Variants in FSIP1 observed in about 807,000 individuals in gnomAD.
FSIP1 encodes fibrous sheath interacting protein 1.
In FSIP1, 65 loss-of-function variants were observed where a neutral mutation model predicts 60.9. The observed-to-expected ratio is 1.07, with a 90% CI of 0.87 to 1.31. The LOEUF (loss-of-function observed/expected upper bound fraction) is 1.31, where lower values mean the gene tolerates loss of function less well. Ranked by LOEUF, FSIP1 falls within the 40% of genes most tolerant of loss-of-function variation. The pLI, the probability that FSIP1 is intolerant of heterozygous loss-of-function variation, is 0.00. For synonymous variants in FSIP1, 209 were observed against 221.2 expected (o/e 0.94, Z 0.49); for missense variants, 675 against 665.5 (o/e 1.01, Z -0.16).
At chr15:39,712,802 G>A (rs1895576585) in intron 10 of FSIP1, among the ~76,000 whole-genome samples, 1 of 152,170 alleles carries the variant, frequency 6.6e-6, no homozygotes, top group African/African-American at 2.4e-5. Context: ...GGAATGACAT[G>A]TCTTTATGTT....
intron 8 of FSIP1, among the ~76,000 whole-genome samples, chr15:39,732,606 T>G: frequency 9.4e-6 from 1 of 106,924 alleles, no homozygotes; most frequent in African/African-American, 4.3e-5. Context: ...GTGACAAGAG[T>G]GAAACTCCAT....
At chr15:39,759,163 A>G (rs1350183147) in intron 5 of FSIP1, among the ~76,000 whole-genome samples, 1 of 152,082 alleles carries the variant, frequency 6.6e-6, no homozygotes, top group African/African-American at 2.4e-5. Flanking sequence ...AAAAGAAATG[A>G]CTAACTAGAG....
chr15:39,767,809 G>A (rs1184993900), intron 3 of FSIP1, among the ~76,000 whole-genome samples: 1 of 152,148 alleles, frequency 6.6e-6, no homozygotes, highest in African/African-American at 2.4e-5. Context: ...CCCCGTTCCA[G>A]CTCCCCATCC....
rs934449329 is a variant in FSIP1, at chr15:39,646,305, C to G, written c.1189-28060G>C. Among the ~76,000 whole-genome samples, 5 of 151,936 alleles carry G rather than the reference C, an allele frequency of 3.3e-5. 1 individual carries two copies. The highest frequency in any genetic ancestry group is 1.2e-4 in the African/African-American group (5 of 41,354). On this transcript the variant is annotated intron_variant, in intron 10 of 11. Transcript: ENST00000350221. Reference sequence around the variant, plus strand: ...CTCTGCTTCTTCACCCTTCACTTGTCTGTGTACCTCATTTTTCCTGGATGC... The same window carrying G: ...CTCTGCTTCTTCACCCTTCACTTGTGTGTGTACCTCATTTTTCCTGGATGC...
chr15:39,709,544 G>A (rs1181770375), intron 10 of FSIP1, among the ~76,000 whole-genome samples: 1 of 152,150 alleles, frequency 6.6e-6, no homozygotes, highest in African/African-American at 2.4e-5. Context: ...TCAAAAATAA[G>A]TGTGCCAAGA....
intron 4 of FSIP1, among the ~76,000 whole-genome samples, 193 bp downstream of exon 4, chr15:39,765,399 C>T (rs113912675): frequency 1.8e-4 from 27 of 152,054 alleles, no homozygotes; most frequent in African/African-American, 6.5e-4. Context: ...TACTACCATG[C>T]CTGGCTAATT....
intron 3 of FSIP1, among the ~76,000 whole-genome samples, chr15:39,766,240 A>C (rs1191983244): frequency 6.6e-6 from 1 of 152,220 alleles, no homozygotes; most frequent in African/African-American, 2.4e-5. Context: ...AGAAAGAAAA[A>C]AACTCAAAAC....
In FSIP1 at chr15:39,600,718, CA is replaced by C; in HGVS notation, c.*161del. ...CACTGAACAATTACACCCCAAGTCT[CA>C]AAAATATCAAGGAAATATAATCCAC... is the stretch of plus-strand genomic sequence containing the variant. On this transcript the variant is annotated 3_prime_UTR_variant, in exon 12 of 12. Transcript: ENST00000350221. 1 of 549,116 alleles carries C rather than the reference CA, an allele frequency of 1.8e-6. No homozygotes were observed. Among genetic ancestry groups the C allele is most frequent in the Non-Finnish European group, 3.1e-6 (1 of 317,528 alleles). 34.0% of individuals were successfully genotyped at this position (549,116 alleles called of 1,614,324 possible). A position where few individuals can be genotyped will look rare whatever the true frequency, so the allele number is the denominator to read the frequency against.
At chr15:39,666,129 G>A (rs557057028) in intron 10 of FSIP1, among the ~76,000 whole-genome samples, 3 of 152,216 alleles carry the variant, frequency 2.0e-5, no homozygotes, top group South Asian at 2.1e-4. Flanking sequence ...CAACTATGTC[G>A]ATCTGTCATT....
chr15:39,639,922 C>A (rs971361050), intron 10 of FSIP1, among the ~76,000 whole-genome samples: 3 of 152,170 alleles, frequency 2.0e-5, no homozygotes, highest in African/African-American at 7.2e-5. Flanking sequence ...GTATTTTATT[C>A]CCACTAGACT....
chr15:39,761,443 C>T (rs1410104177), intron 5 of FSIP1, among the ~76,000 whole-genome samples: 3 of 152,144 alleles, frequency 2.0e-5, no homozygotes, highest in Non-Finnish European at 2.9e-5. Flanking sequence ...AATTAGAGGA[C>T]ATTATGCCAA....
intron 10 of FSIP1, 25 bp from the exon 11 acceptor site, chr15:39,618,270 C>T (rs1376587873): frequency 4.5e-6 from 7 of 1,569,054 alleles, no homozygotes; most frequent in Non-Finnish European, 6.1e-6. Flanking sequence ...CAAAAGATTA[C>T]ATAGTCAGTT....
intron 11 of FSIP1, among the ~76,000 whole-genome samples, chr15:39,615,733 A>C (rs1891203469): frequency 1.3e-5 from 2 of 151,748 alleles, no homozygotes; most frequent in African/African-American, 2.4e-5. Context: ...AAATACAAAA[A>C]AAAAAAAAAA....
intron 5 of FSIP1, among the ~76,000 whole-genome samples, chr15:39,753,945 G>T (rs900540895): frequency 1.4e-5 from 1 of 70,912 alleles, no homozygotes; most frequent in African/African-American, 3.1e-5. Context: ...AGATATATAA[G>T]ACCTATGCAT....
intron 1 of FSIP1, among the ~76,000 whole-genome samples, chr15:39,780,517 G>C (rs2631718): frequency 1 from 152,347 of 152,348 alleles, 76,173 homozygotes; most frequent in Middle Eastern, 1. Flanking sequence ...GAGACTCCGT[G>C]TCAAAAAAAG....
At chr15:39,749,547 T>A (rs1234372001) in intron 5 of FSIP1, among the ~76,000 whole-genome samples, 2 of 151,964 alleles carry the variant, frequency 1.3e-5, no homozygotes, top group African/African-American at 4.8e-5. Flanking sequence ...TAAATAACAT[T>A]AACAGATTGA....
chr15:39,733,715 T>A (rs566865274), intron 8 of FSIP1, among the ~76,000 whole-genome samples: 2 of 152,224 alleles, frequency 1.3e-5, no homozygotes, highest in South Asian at 4.1e-4. Context: ...AAGCAAAGCC[T>A]CAGAGGACAG....
rs1310034233 is a variant in FSIP1, at chr15:39,782,803, C to G, written c.-183G>C. 6.6e-6 allele frequency: 1 copy of G among 152,624 alleles called. No homozygotes were observed. The highest frequency in any genetic ancestry group is 1.5e-5 in the Non-Finnish European group (1 of 68,334). 9.5% of individuals were successfully genotyped at this position (152,624 alleles called of 1,614,324 possible). A position where few individuals can be genotyped will look rare whatever the true frequency, so the allele number is the denominator to read the frequency against. On this transcript the variant is annotated 5_prime_UTR_variant, in exon 1 of 12. Coordinates refer to ENST00000350221, the MANE Select transcript of FSIP1 (RefSeq NM_152597.5). ...AGCCGCCGGTCCAGATCCCTCCTGC[C>G]TGTGGGACCGCTGTTTCCCTGGCAA...
At chr15:39,742,394 T>C in intron 5 of FSIP1, among the ~76,000 whole-genome samples, 1 of 152,222 alleles carries the variant, frequency 6.6e-6, no homozygotes, top group Non-Finnish European at 1.5e-5. Context: ...TTCTGATGTA[T>C]TTTCTTGGCA....
Sources: allele counts gnomAD v4.1 joint callset (sites outside exome capture counted in the v4.1 genomes callset), GRCh38; gene constraint gnomAD v4.1.1; transcripts MANE v1.5; gene names NCBI Gene and HGNC (gene_info 2026-07-23, HGNC 2026-07-21).